Variants in GGT5 observed in about 807,000 individuals in gnomAD.
The protein encoded by GGT5 is gamma-glutamyltransferase 5.
In GGT5, 50 loss-of-function variants were observed where a neutral mutation model predicts 58.1. That is an observed-to-expected ratio of 0.86 (90% CI 0.69 to 1.09). The LOEUF is 1.09. Among genes scored for constraint, GGT5 ranks in the 50% least tolerant of loss-of-function variants. GGT5 has a pLI of 0.00. For missense variants in GGT5, 800 were observed against 789.4 expected, an observed-to-expected ratio of 1.01 and a Z score of -0.16; for synonymous variants, 370 against 346.1, an observed-to-expected ratio of 1.07 and a Z score of -0.77.
chr22:24,233,546 C>A lies in GGT5; in HGVS notation c.352G>T (p.Ala118Ser). ...GCACACTGGTCCAGCAGGCTCGGGGCGTGGCTGGCCGGCACCGTCTCCCGG... is the reference window on the plus strand; with the variant it reads ...GCACACTGGTCCAGCAGGCTCGGGGAGTGGCTGGCCGGCACCGTCTCCCGG... ...NARETVPASH[A>S]PSLLDQCAQA... The change falls in exon 3 of 12, where the codon GCC becomes TCC. Residue 118 changes from alanine (A) to serine (S), a missense_variant. By Grantham distance (99) the Ala-to-Ser change is moderately conservative. Transcript: ENST00000327365. The A allele has an allele frequency of 6.2e-7, 1 of 1,609,472 alleles. No individual in the cohort carries two copies. Among genetic ancestry groups the A allele is most frequent in the East Asian group, 2.2e-5 (1 of 44,866 alleles).
At chr22:24,221,720 C>T (rs2047595007) in intron 11 of GGT5, among the ~76,000 whole-genome samples, 1 of 152,032 alleles carries the variant, frequency 6.6e-6, no homozygotes, top group Non-Finnish European at 1.5e-5. Context: ...CCATGTTGGC[C>T]AGGCTGGTCT....
At chr22:24,238,324 G>A (rs756336070) in intron 1 of GGT5, among the ~76,000 whole-genome samples, 1 of 151,784 alleles carries the variant, frequency 6.6e-6, no homozygotes, top group Non-Finnish European at 1.5e-5. Context: ...GAGGTCAGGA[G>A]TTTGAGACCA....
At chr22:24,239,943 G>A (rs76409440) in intron 1 of GGT5, among the ~76,000 whole-genome samples, 9 of 152,042 alleles carry the variant, frequency 5.9e-5, no homozygotes, top group East Asian at 1.9e-4. Context: ...AAAATTAGCC[G>A]GGCATAGTGG....
At chr22:24,231,821 T>C (rs1243540651) in intron 5 of GGT5, among the ~76,000 whole-genome samples, 3 of 152,136 alleles carry the variant, frequency 2.0e-5, no homozygotes, top group South Asian at 4.1e-4. Context: ...AGACCTGCCG[T>C]GACCATCGGT....
chr22:24,234,645 C>G (rs2048046295), intron 1 of GGT5, among the ~76,000 whole-genome samples: 1 of 152,088 alleles, frequency 6.6e-6, no homozygotes, highest in Non-Finnish European at 1.5e-5. Flanking sequence ...CATGGTGAAA[C>G]CCCGTCTCTA....
chr22:24,223,143 T>A (rs539035497), intron 11 of GGT5, among the ~76,000 whole-genome samples: 10 of 151,396 alleles, frequency 6.6e-5, no homozygotes, highest in African/African-American at 2.4e-4. Flanking sequence ...GGCTCATGCC[T>A]ATAAGCCCAG....
rs759245413 is a variant in GGT5 at position 24,225,641 on chromosome 22, A to G, written c.1241T>C (p.Met414Thr). The change falls in exon 9 of 12, where the codon ATG (methionine) becomes ACG (threonine). Residue 414 changes from methionine (M) to threonine (T), a missense_variant. By Grantham distance (81) the Met-to-Thr change is moderately conservative. Transcript: ENST00000327365. The part of the protein sequence containing the change: ...TSTINTPFGA[M>T]VYSPRTGIIL... ...GATGCCTGTCCGTGGTGAATACACC[A>G]TCGCTCCAAAGCTGCAGCCGTGGAG... 3 of 1,609,130 alleles carry G rather than the reference A, an allele frequency of 1.9e-6. No homozygotes were observed. The highest frequency in any genetic ancestry group is 2.6e-6 in the Non-Finnish European group (3 of 1,175,748).
In GGT5 at chr22:24,219,981, C is replaced by T. The variant is rs762568060; in HGVS notation, c.1750G>A (p.Ala584Thr). The T allele has an allele frequency of 2.7e-5, 43 of 1,613,742 alleles. No individual in the cohort carries two copies. In the Admixed American group the frequency reaches 4.3e-4, roughly 16 times the overall value. ...VSDLRKSGEA[A>T]GY ...GGCAGAGCAGTGTCTTAGTAGCCTG[C>T]GGCCTCCCCACTCTTCCTCAGGTCC... The change falls in exon 12 of 12, where the codon GCA becomes ACA. Residue 584 changes from alanine to threonine, a missense_variant. Ala to Thr is a moderately conservative substitution (Grantham distance 58). Transcript: ENST00000327365.
chr22:24,225,074 G>C lies in GGT5; in HGVS notation c.1536C>G (p.Asp512Glu), dbSNP rs754142074. Reference protein sequence around the residue: ...AIMSKLWLGFDLRAAIAAPIL... With the variant: ...AIMSKLWLGFELRAAIAAPIL... ...TGGGGGCTGCAATGGCCGCTCTCAGGTCAAAGCCAAGCCACAGCTTGCTCA... is the reference window on the plus strand; with the variant it reads ...TGGGGGCTGCAATGGCCGCTCTCAGCTCAAAGCCAAGCCACAGCTTGCTCA... Residue 512 changes from aspartate (D) to glutamate (E), a missense_variant, in exon 11 of 12, where the codon GAC becomes GAG. By Grantham distance (45) the Asp-to-Glu change is conservative (BLOSUM62 2). Coordinates refer to ENST00000327365, the MANE Select transcript of GGT5 (RefSeq NM_004121.5). The C allele has an allele frequency of 6.2e-7, 1 of 1,600,796 alleles. No homozygotes were observed. The highest frequency in any genetic ancestry group is 1.3e-5 in the African/African-American group (1 of 74,544).
At chr22:24,231,920 G>C (rs571335933) in intron 5 of GGT5, 131 bp downstream of exon 5, 21 of 742,974 alleles carry the variant, frequency 2.8e-5, no homozygotes, top group Non-Finnish European at 4.7e-5. Flanking sequence ...CTAGGTGCAT[G>C]GCCTCTCGGG....
intron 1 of GGT5, among the ~76,000 whole-genome samples, chr22:24,237,146 C>T (rs2048122584): frequency 6.6e-6 from 1 of 152,036 alleles, no homozygotes. Context: ...AGCAATCCTC[C>T]TGCCTCAGTC....
intron 3 of GGT5, 59 bp downstream of exon 3, chr22:24,233,439 G>T: frequency 2.1e-6 from 2 of 951,688 alleles, no homozygotes; most frequent in Non-Finnish European, 1.6e-6. Context: ...TTGCGGGGGT[G>T]TTCTGATTAG....
chr22:24,231,933 C>A (rs1569363027), intron 5 of GGT5, 118 bp downstream of exon 5: 2 of 840,380 alleles, frequency 2.4e-6, no homozygotes, highest in Non-Finnish European at 3.8e-6. Context: ...CTCTCGGGGT[C>A]CCGGGCACTG....
rs73879043 is a variant in GGT5 at position 24,226,156 on chromosome 22, G to A, written c.1149C>T (p.Gly383=). 3.2e-3 allele frequency: 5,126 copies of A among 1,611,240 alleles called. 153 individuals carry two copies. In the African/African-American group the frequency reaches 0.06, roughly 19 times the overall value. ...ACACATGGGACGTGCCTGTCCCGTG[G>A]CCCCAGGCCTCGGCCAAGCTGTAGT... ...LSHYSLAEAW[G]HGTGTSHVSV... Residue 383 remains glycine, a synonymous_variant, in exon 8 of 12, where the codon GGC becomes GGT. Transcript: ENST00000327365.
In GGT5 at chr22:24,244,635, G is replaced by A. The variant is rs1431788632; in HGVS notation, c.91C>T (p.Arg31Ter). The change falls in exon 1 of 12, where the codon CGA (arginine) becomes TGA (stop). Residue 31 changes from arginine to a stop codon, truncating the protein, a stop_gained. Coordinates refer to ENST00000327365, the MANE Select transcript of GGT5 (RefSeq NM_004121.5). LOFTEE classifies it high-confidence loss of function. ...TGGGGGCCACATGGGGCCTGGTGTC[G>A]AGAGAGGACCACAGCCAGCACAATG... ...AVIVLAVVLS[R>*]HQAPCGPQAF... 12 of 1,612,838 alleles carry A rather than the reference G, an allele frequency of 7.4e-6. No homozygotes were observed. The highest frequency in any genetic ancestry group is 4.5e-5 in the East Asian group (2 of 44,880).
Position 24,231,546 on chromosome 22 carries a change from G to A in GGT5, c.755-16C>T. 2 of 1,585,172 alleles carry A rather than the reference G, an allele frequency of 1.3e-6. No individual in the cohort carries two copies. Among genetic ancestry groups the A allele is most frequent in the Non-Finnish European group, 1.7e-6 (2 of 1,165,804 alleles). On this transcript the variant is annotated splice_polypyrimidine_tract_variant and intron_variant, in intron 5 of 11. Coordinates refer to ENST00000327365, the MANE Select transcript of GGT5 (RefSeq NM_004121.5). Reference sequence around the variant, plus strand: ...AGCTGGCTCCCTGGGATGAGAAGGAGAGGGCTCCATGAACAGATGGGAAAC... The same window carrying A: ...AGCTGGCTCCCTGGGATGAGAAGGAAAGGGCTCCATGAACAGATGGGAAAC...
intron 3 of GGT5, 37 bp downstream of exon 3, chr22:24,233,461 T>G (rs749389053): frequency 3.3e-6 from 4 of 1,202,748 alleles, no homozygotes; most frequent in Non-Finnish European, 4.8e-6. Context: ...CCTAGTGGCC[T>G]GGGGGGTGGG....
At position 24,233,918 on chromosome 22, in the gene GGT5, C is replaced by G; in HGVS notation, c.260G>C (p.Gly87Ala). 6.2e-7 allele frequency: 1 copy of G among 1,613,444 alleles called. No homozygotes were observed. Among genetic ancestry groups the G allele is most frequent in the Non-Finnish European group, 8.5e-7 (1 of 1,179,366 alleles). ...GGTGAAGATGACCCCTCCGCCCAGG[C>G]CCATGCTCTGAGGGTTGACGACGCT... The part of the protein sequence containing the change: ...CTSVVNPQSM[G>A]LGGGVIFTIY... Residue 87 changes from glycine (G) to alanine (A), a missense_variant, in exon 2 of 12, where the codon GGC becomes GCC. Transcript: ENST00000327365.
At chr22:24,235,821 C>A (rs2048079187) in intron 1 of GGT5, among the ~76,000 whole-genome samples, 1 of 152,042 alleles carries the variant, frequency 6.6e-6, no homozygotes, top group African/African-American at 2.4e-5. Context: ...GTCTTGGCTT[C>A]CAGGGCAAAA....
Sources: allele counts gnomAD v4.1 joint callset (sites outside exome capture counted in the v4.1 genomes callset), GRCh38; gene constraint gnomAD v4.1.1; transcripts MANE v1.5; gene names NCBI Gene and HGNC (gene_info 2026-07-23, HGNC 2026-07-21).